The following CAPRIN1 variants were observed in gnomAD, a reference collection of about 807,000 sequenced individuals.
CAPRIN1 encodes the protein cell cycle associated protein 1.
CAPRIN1 carries 29 observed loss-of-function variants against 100.9 expected under a neutral mutation model. That is an observed-to-expected ratio of 0.29 (90% CI 0.21 to 0.39). The LOEUF (loss-of-function observed/expected upper bound fraction) is 0.39, where lower values mean the gene tolerates loss of function less well. Ranked by LOEUF, CAPRIN1 falls within the 10% of genes least tolerant of loss-of-function variation. CAPRIN1 has a pLI of 1.00. For synonymous variants in CAPRIN1, 338 were observed against 307.5 expected, an observed-to-expected ratio of 1.10 and a Z score of -1.04; for missense variants, 795 against 876.7, an observed-to-expected ratio of 0.91 and a Z score of 1.18.
At chr11:34,072,440 A>G (rs930922640) in intron 4 of CAPRIN1, among the ~76,000 whole-genome samples, 2 of 152,254 alleles carry the variant, frequency 1.3e-5, no homozygotes, top group South Asian at 2.1e-4. Context: ...CTGCAAATAC[A>G]TAAAAATCAG....
chr11:34,102,446 A>T lies in CAPRIN1; in HGVS notation c.*3079A>T, dbSNP rs1851466658. 1.3e-5 allele frequency among the ~76,000 whole-genome samples: 2 copies of T among 152,186 alleles called. No homozygotes were observed. The highest frequency in any genetic ancestry group is 4.1e-4 in the South Asian group (2 of 4,832). ...TTTCACAGAATCAGTATTGCCCTTG[A>T]TCTTGTCCTTTTTATGGAGTTAACG... is the stretch of plus-strand genomic sequence containing the variant. On this transcript the variant is annotated 3_prime_UTR_variant, in exon 19 of 19. Transcript: ENST00000341394.
intron 15 of CAPRIN1, among the ~76,000 whole-genome samples, chr11:34,093,025 ATT>A (rs927684688): frequency 8.5e-5 from 12 of 140,534 alleles, no homozygotes; most frequent in African/African-American, 7.9e-5. Context: ...TGGCTGGCTA[ATT>A]TTTTTTTTTT....
chr11:34,099,473 T>C lies in CAPRIN1; in HGVS notation c.*106T>C. 1 of 935,420 alleles carries C rather than the reference T, an allele frequency of 1.1e-6. No homozygotes were observed. Among genetic ancestry groups the C allele is most frequent in the Non-Finnish European group, 1.7e-6 (1 of 584,584 alleles). The allele number at this position is 935,420 out of a possible 1,614,324, so 57.9% of individuals were successfully genotyped here. On this transcript the variant is annotated 3_prime_UTR_variant, in exon 19 of 19. Coordinates refer to ENST00000341394, the MANE Select transcript of CAPRIN1 (RefSeq NM_005898.5). The stretch of plus-strand genomic sequence containing the variant: ...TATTTGTTCTCCCTTTCAGGAAACT[T>C]ATTGTAAAGGGACTGTTTTCATCCC...
Position 34,071,610 on chromosome 11 carries a change from T to C in CAPRIN1, c.217-116T>C, listed in dbSNP as rs148158515. ...TTAAACTGGAATATATCTTAAAAGT[T>C]TATTTAAGTCAAAATTTGAGACAAA... is the stretch of plus-strand genomic sequence containing the variant. On this transcript the variant is annotated intron_variant, in intron 2 of 18. Coordinates refer to ENST00000341394, the MANE Select transcript of CAPRIN1 (RefSeq NM_005898.5). The C allele has an allele frequency of 2.7e-4, 201 of 747,824 alleles. No homozygotes were observed. In the African/African-American group the frequency reaches 3.1e-3, roughly 12 times the overall value. The allele number at this position is 747,824 out of a possible 1,614,324, so 46.3% of individuals were successfully genotyped here.
Position 34,076,423 on chromosome 11 carries a change from T to G in CAPRIN1, c.554T>G (p.Leu185Trp). The change falls in exon 5 of 19, where the codon TTG becomes TGG. Residue 185 changes from leucine (L) to tryptophan (W), a missense_variant. Leu to Trp is a moderately conservative substitution (Grantham distance 61). This residue lies in a region of CAPRIN1 where 648 missense variants were observed against 697.9 expected (regional missense o/e 0.93). Coordinates refer to ENST00000341394, the MANE Select transcript of CAPRIN1 (RefSeq NM_005898.5). ...VPILSEEELS[L>W]LDEFYKLVDP... ...ATATTGTCCGAAGAGGAGTTGTCAT[T>G]GTTGGATGAATTCTATAAGCTAGTA... 3 of 1,614,188 alleles carry G rather than the reference T, an allele frequency of 1.9e-6. No individual in the cohort carries two copies. The highest frequency in any genetic ancestry group is 3.3e-5 in the Admixed American group (2 of 60,024).
chr11:34,092,169 G>C (rs1269049756), intron 15 of CAPRIN1, 113 bp downstream of exon 15: 50 of 1,040,954 alleles, frequency 4.8e-5, no homozygotes, highest in Non-Finnish European at 5.7e-5. Context: ...TGTTTTAGTA[G>C]CAGACCATAT....
In CAPRIN1 at chr11:34,096,675, T is replaced by TA. The variant is rs753144323; in HGVS notation, c.1900+9dup. The TA allele has an allele frequency of 4.4e-5, 69 of 1,574,366 alleles. No homozygotes were observed. The highest frequency in any genetic ancestry group is 3.9e-4 in the South Asian group (34 of 86,756). ...GGGGCCCTGCCAATGGATTCAGAGG[T>TA]AAAAAAATAAAAAAGGAGGTTCTAA... On this transcript the variant is annotated splice_region_variant and intron_variant, in intron 16 of 18. Transcript: ENST00000341394.
At chr11:34,093,514 T>G (rs1851304071) in intron 15 of CAPRIN1, among the ~76,000 whole-genome samples, 1 of 152,230 alleles carries the variant, frequency 6.6e-6, no homozygotes, top group South Asian at 2.1e-4. Flanking sequence ...TTTGAAAAGT[T>G]GTAAAATTTT....
At chr11:34,064,469 A>G (rs1189515715) in intron 2 of CAPRIN1, among the ~76,000 whole-genome samples, 1 of 152,182 alleles carries the variant, frequency 6.6e-6, no homozygotes, top group East Asian at 1.9e-4. Context: ...AGATTAGGCA[A>G]ATTGTATTTG....
In CAPRIN1 at chr11:34,060,502, G is replaced by C. The variant is rs986694123; in HGVS notation, c.216+7866G>C. ...TTACAGGGTTGACCCACTGTGCCTG[G>C]CCCCCCTCAATACTGTTATCTAAAC... On this transcript the variant is annotated intron_variant, in intron 2 of 18. Coordinates refer to ENST00000341394, the MANE Select transcript of CAPRIN1 (RefSeq NM_005898.5). 5.7e-4 allele frequency among the ~76,000 whole-genome samples: 86 copies of C among 152,006 alleles called. 1 individual carries two copies. Among genetic ancestry groups the C allele is most frequent in the African/African-American group, 1.9e-3 (78 of 41,372 alleles).
chr11:34,052,868 C>T, intron 2 of CAPRIN1: 23 of 1,413,464 alleles, frequency 1.6e-5, no homozygotes, highest in East Asian at 2.6e-5. Context: ...CACTGTACCC[C>T]AGGCCTCTTT....
At chr11:34,053,022 G>C in intron 2 of CAPRIN1, 39 of 1,044,130 alleles carry the variant, frequency 3.7e-5, no homozygotes, top group Non-Finnish European at 4.5e-5. Flanking sequence ...CCAAAATGAA[G>C]AGGTCCCTGC....
intron 2 of CAPRIN1, among the ~76,000 whole-genome samples, chr11:34,062,898 A>G (rs752795023): frequency 2.7e-4 from 41 of 151,940 alleles, no homozygotes; most frequent in Admixed American, 1.2e-3. Context: ...TTTCCTCCTA[A>G]TCTTCCTTCT....
At chr11:34,077,520 A>C (rs546511744) in intron 6 of CAPRIN1, among the ~76,000 whole-genome samples, 101 of 152,290 alleles carry the variant, frequency 6.6e-4, no homozygotes, top group African/African-American at 2.4e-3. Flanking sequence ...TTTTTTTAAA[A>C]AGGGACATTT....
intron 9 of CAPRIN1, among the ~76,000 whole-genome samples, chr11:34,083,289 T>C (rs1238881899): frequency 6.6e-6 from 1 of 152,212 alleles, no homozygotes; most frequent in Non-Finnish European, 1.5e-5. Context: ...ATTAATCTGT[T>C]ACCATGATTT....
At chr11:34,092,206 A>G (rs1851277813) in intron 15 of CAPRIN1, 150 bp downstream of exon 15, 2 of 718,336 alleles carry the variant, frequency 2.8e-6, no homozygotes, top group Non-Finnish European at 4.3e-6. Context: ...ATCATGAGTT[A>G]AATTGAGTCT....
intron 15 of CAPRIN1, chr11:34,096,025 T>A (rs1391024614): frequency 6.6e-6 from 1 of 152,398 alleles, no homozygotes; most frequent in Non-Finnish European, 1.5e-5. Context: ...TTTGTATGTT[T>A]TACTAAGTAA....
At chr11:34,080,063 A>G (rs1850992871) in intron 7 of CAPRIN1, among the ~76,000 whole-genome samples, 1 of 151,726 alleles carries the variant, frequency 6.6e-6, no homozygotes, top group Admixed American at 6.6e-5. Context: ...AGCTGTGACT[A>G]CAGGCGCCCG....
At chr11:34,055,383 T>C (rs575948384) in intron 2 of CAPRIN1, among the ~76,000 whole-genome samples, 63 of 152,276 alleles carry the variant, frequency 4.1e-4, no homozygotes, top group East Asian at 5.8e-4. Flanking sequence ...AGTGCGACGA[T>C]GTGATCTCGG....
Sources: gnomAD v4.1 joint callset for allele counts (sites outside exome capture counted in the v4.1 genomes callset) on GRCh38, gnomAD v4.1.1 for gene constraint, gnomAD v4.1.1 regional missense constraint, MANE v1.5 for transcripts, NCBI Gene and HGNC (gene_info 2026-07-23, HGNC 2026-07-21) for gene names.